The following TTC22 variants were observed in gnomAD, a reference collection of about 807,000 sequenced individuals.
TTC22 encodes tetratricopeptide repeat protein 22.
In TTC22, 42 loss-of-function variants were observed where a neutral mutation model predicts 48.2. The ratio of observed to expected loss-of-function variants is 0.87; its 90% CI spans 0.68 to 1.13. TTC22 has a LOEUF of 1.13. Among genes scored for constraint, TTC22 ranks in the 50% most tolerant of loss-of-function variants. The pLI is 0.00. For synonymous variants in TTC22, 345 were observed against 365.5 expected (o/e 0.94, Z 0.64); for missense variants, 784 against 807.0 (o/e 0.97, Z 0.34).
At chr1:54,781,866 C>G in intron 6 of TTC22, 87 bp from the exon 7 acceptor site, 1 of 1,221,966 alleles carries the variant, frequency 8.2e-7, no homozygotes, top group Non-Finnish European at 1.1e-6. Flanking sequence ...AAAAAAAATT[C>G]CACTCCTTCA....
intron 1 of TTC22, among the ~76,000 whole-genome samples, chr1:54,791,486 T>G (rs1033352776): frequency 2.0e-5 from 3 of 152,264 alleles, no homozygotes; most frequent in Middle Eastern, 3.4e-3. Context: ...TGGCCCAGAA[T>G]AGATGTCTGT....
At chr1:54,793,629 T>C (rs1646368918) in intron 1 of TTC22, among the ~76,000 whole-genome samples, 1 of 152,210 alleles carries the variant, frequency 6.6e-6, no homozygotes, top group South Asian at 2.1e-4. Context: ...CAAGATGCTA[T>C]CTTCACAGTC....
At chr1:54,784,623 G>T (rs2101442495) in intron 5 of TTC22, 4 of 1,087,910 alleles carry the variant, frequency 3.7e-6, no homozygotes, top group Non-Finnish European at 4.6e-6. Context: ...TTATTATCTA[G>T]AATAATAACC....
intron 5 of TTC22, 135 bp from the exon 6 acceptor site, chr1:54,782,612 C>A: frequency 1.1e-6 from 1 of 944,460 alleles, no homozygotes; most frequent in South Asian, 1.8e-5. Flanking sequence ...GACCCTGAGG[C>A]CAGGACCCAG....
intron 2 of TTC22, 85 bp downstream of exon 2, chr1:54,787,957 C>A: frequency 6.7e-7 from 1 of 1,502,320 alleles, no homozygotes; most frequent in South Asian, 1.2e-5. Context: ...AGGGCCCAGC[C>A]ACCTCTGCCC....
chr1:54,785,616 AGT>A (rs1557771579), intron 5 of TTC22: 4 of 439,164 alleles, frequency 9.1e-6, no homozygotes, highest in African/African-American at 8.1e-5. Flanking sequence ...GTTTGAGACG[AGT>A]CTGGGCAACA....
At position 54,786,107 on chromosome 1, in the gene TTC22, T is replaced by C. The variant is rs1373756625; in HGVS notation, c.896A>G (p.Asn299Ser). The C allele has an allele frequency of 1.9e-6, 3 of 1,614,118 alleles. No homozygotes were observed. The highest frequency in any genetic ancestry group is 1.1e-5 in the South Asian group (1 of 91,082). ...GAAGTAGAAGATTTTTGCCAGGCGA[T>C]TCAGGATGGGAGGTTGGTTCTTGGC... is the stretch of plus-strand genomic sequence containing the variant. ...EIAKNQPPILNRLAKIFYFLG... is the reference protein window; with the variant it reads ...EIAKNQPPILSRLAKIFYFLG... The change falls in exon 5 of 7, where the codon AAT becomes AGT. Residue 299 changes from asparagine to serine, a missense_variant. Physicochemically the swap from Asn to Ser is conservative, Grantham distance 46 (BLOSUM62 1). Coordinates refer to ENST00000371276, the MANE Select transcript of TTC22 (RefSeq NM_001114108.2).
At chr1:54,782,573 A>AC (rs1427616457) in intron 5 of TTC22, 96 bp from the exon 6 acceptor site, 2 of 1,300,338 alleles carry the variant, frequency 1.5e-6, no homozygotes, top group East Asian at 5.3e-5. Flanking sequence ...TTCAACAGCA[A>AC]CCAGGGAGGT....
intron 1 of TTC22, among the ~76,000 whole-genome samples, chr1:54,791,891 T>C (rs139789507): frequency 6.6e-6 from 1 of 152,162 alleles, no homozygotes; most frequent in Non-Finnish European, 1.5e-5. Flanking sequence ...TCCACAACAC[T>C]CAGTTATCCT....
chr1:54,791,851 A>T (rs868768298), intron 1 of TTC22, among the ~76,000 whole-genome samples: 1 of 152,132 alleles, frequency 6.6e-6, no homozygotes, highest in Non-Finnish European at 1.5e-5. Flanking sequence ...GCTTAGATTC[A>T]TGCCTCCATG....
At position 54,787,691 on chromosome 1, in the gene TTC22, C is replaced by T. The variant is rs1646315193; in HGVS notation, c.739+20G>A. The T allele has an allele frequency of 6.3e-7, 1 of 1,591,426 alleles. No individual in the cohort carries two copies. The highest frequency in any genetic ancestry group is 1.3e-5 in the African/African-American group (1 of 74,444). On this transcript the variant is annotated intron_variant, in intron 3 of 6. Coordinates refer to ENST00000371276, the MANE Select transcript of TTC22 (RefSeq NM_001114108.2). ...GCAGGGGGCAGAGGCTGCTGTCCCA[C>T]CCATCCCCCGGGTCCCCACCTCGGT...
intron 5 of TTC22, chr1:54,785,156 G>T: frequency 5.1e-6 from 1 of 195,778 alleles, no homozygotes; most frequent in Non-Finnish European, 1.1e-5. Context: ...TGGTGTTGTG[G>T]GATTTGAACC....
intron 1 of TTC22, among the ~76,000 whole-genome samples, chr1:54,791,930 A>G (rs1330366202): frequency 1.3e-5 from 2 of 151,890 alleles, no homozygotes; most frequent in African/African-American, 4.8e-5. Context: ...ATATCCGAGG[A>G]CACCGAGACA....
chr1:54,782,785 G>A (rs1646272846), intron 5 of TTC22, among the ~76,000 whole-genome samples: 1 of 152,202 alleles, frequency 6.6e-6, no homozygotes, highest in African/African-American at 2.4e-5. Flanking sequence ...CCTATGCTGG[G>A]TACAGGAGGT....
Position 54,800,599 on chromosome 1 carries a change from G to A in TTC22, c.565C>T (p.Gln189Ter). 2 of 1,515,152 alleles carry A rather than the reference G, an allele frequency of 1.3e-6. No individual in the cohort carries two copies. The highest frequency in any genetic ancestry group is 1.7e-6 in the Non-Finnish European group (2 of 1,144,096). 93.9% of individuals were successfully genotyped at this position (1,515,152 alleles called of 1,614,324 possible). Residue 189 changes from glutamine (Q) to a stop codon, truncating the protein, a stop_gained and splice_region_variant, in exon 1 of 7, where the codon CAG becomes TAG. Coordinates refer to ENST00000371276, the MANE Select transcript of TTC22 (RefSeq NM_001114108.2). LOFTEE classifies it high-confidence loss of function. Reference protein sequence around the residue: ...LYDKALGYGQQIPMEEKRGWY... With the variant: ...LYDKALGYGQ Reference sequence around the variant, plus strand: ...GTAGGGAGACAGGGGTCACCTACCTGCTGCCCGTAGCCTAGCGCCTTGTCG... The same window carrying A: ...GTAGGGAGACAGGGGTCACCTACCTACTGCCCGTAGCCTAGCGCCTTGTCG...
rs770606817 is a variant in TTC22 at position 54,787,692 on chromosome 1, C to A, written c.739+19G>T. ...CAGGGGGCAGAGGCTGCTGTCCCAC[C>A]CATCCCCCGGGTCCCCACCTCGGTG... On this transcript the variant is annotated intron_variant, in intron 3 of 6. Coordinates refer to ENST00000371276, the MANE Select transcript of TTC22 (RefSeq NM_001114108.2). 4 of 1,592,806 alleles carry A rather than the reference C, an allele frequency of 2.5e-6. No homozygotes were observed. Among genetic ancestry groups the A allele is most frequent in the East Asian group, 2.3e-5 (1 of 44,346 alleles).
chr1:54,783,668 G>A (rs1037957253), intron 5 of TTC22, among the ~76,000 whole-genome samples: 2 of 152,258 alleles, frequency 1.3e-5, no homozygotes, highest in East Asian at 1.9e-4. Context: ...GTGCTAAGAA[G>A]AAAACTAAAC....
At chr1:54,796,174 G>A (rs776055804) in intron 1 of TTC22, among the ~76,000 whole-genome samples, 5 of 152,244 alleles carry the variant, frequency 3.3e-5, no homozygotes, top group East Asian at 1.9e-4. Flanking sequence ...GTGTGTGTGC[G>A]CGTGTGTGTG....
At chr1:54,788,149 T>C (rs754686912) in intron 1 of TTC22, 52 bp from the exon 2 acceptor site, 1 of 1,579,322 alleles carries the variant, frequency 6.3e-7, no homozygotes, top group South Asian at 1.1e-5. Context: ...ACTCTGGCCA[T>C]TGTTCATAAA....
Sources: gnomAD v4.1 joint callset for allele counts (sites outside exome capture counted in the v4.1 genomes callset) on GRCh38, gnomAD v4.1.1 for gene constraint, MANE v1.5 for transcripts, NCBI Gene and HGNC (gene_info 2026-07-23, HGNC 2026-07-21) for gene names.